The following AGXT2 variants were observed in gnomAD, a reference collection of about 807,000 sequenced individuals.
The protein encoded by AGXT2 is alanine--glyoxylate aminotransferase 2, also known as alanine--glyoxylate aminotransferase 2, mitochondrial.
AGXT2 carries 61 observed loss-of-function variants against 62.5 expected under a neutral mutation model. The observed-to-expected ratio is 0.98, with a 90% confidence interval of 0.79 to 1.21. The LOEUF (loss-of-function observed/expected upper bound fraction) is 1.21. AGXT2 is among the 50% of genes most tolerant of loss of function. The pLI is 0.00. For missense variants in AGXT2, 666 were observed against 641.5 expected, an observed-to-expected ratio of 1.04 and a Z score of -0.41; for synonymous variants, 243 against 218.7, an observed-to-expected ratio of 1.11 and a Z score of -0.98.
intron 9 of AGXT2, among the ~76,000 whole-genome samples, chr5:35,017,127 G>A (rs1031038399): frequency 6.6e-6 from 1 of 152,084 alleles, no homozygotes; most frequent in African/African-American, 2.4e-5. Context: ...CTGCACTCAG[G>A]TTTTTCTGTC....
chr5:35,006,196 A>G (rs533935719), intron 12 of AGXT2, among the ~76,000 whole-genome samples: 1 of 152,190 alleles, frequency 6.6e-6, no homozygotes, highest in Non-Finnish European at 1.5e-5. Flanking sequence ...GTTGTTTCCA[A>G]TTTTTCATGA....
At chr5:35,047,513 C>G (rs1036671769) in intron 1 of AGXT2, among the ~76,000 whole-genome samples, 1 of 152,134 alleles carries the variant, frequency 6.6e-6, no homozygotes, top group African/African-American at 2.4e-5. Flanking sequence ...GATTGCTTTC[C>G]TTTGGTTTTT....
rs1233838798 is a variant in AGXT2, at chr5:35,038,184, C to G, written c.363-1119G>C. ...CATGGGACCCTTTTCCACGGAAACT[C>G]CTGTGATCAGTGTTCCATGAAACTC... On this transcript the variant is annotated intron_variant, in intron 3 of 13. Coordinates refer to ENST00000231420, the MANE Select transcript of AGXT2 (RefSeq NM_031900.4). Among the ~76,000 whole-genome samples, 5 of 152,302 alleles carry G rather than the reference C, an allele frequency of 3.3e-5. No homozygotes were observed. The South Asian group carries it at 8.3e-4, about 25-fold the overall frequency.
intron 12 of AGXT2, among the ~76,000 whole-genome samples, chr5:35,005,874 T>C (rs1245660857): frequency 7.4e-6 from 1 of 135,376 alleles, no homozygotes; most frequent in Non-Finnish European, 1.7e-5. Context: ...ATTTAAAATT[T>C]GAAAAAAATT....
At chr5:35,009,109 G>A (rs1352982267) in intron 12 of AGXT2, among the ~76,000 whole-genome samples, 3 of 152,130 alleles carry the variant, frequency 2.0e-5, no homozygotes, top group East Asian at 1.9e-4. Context: ...GAAACAAACA[G>A]TGATCTTGGG....
intron 5 of AGXT2, among the ~76,000 whole-genome samples, 163 bp from the exon 6 acceptor site, chr5:35,033,716 A>T (rs540732945): frequency 5.2e-5 from 7 of 134,430 alleles, no homozygotes; most frequent in Middle Eastern, 3.8e-3. Context: ...AATGTACTTA[A>T]TAGTCTTTTC....
chr5:35,001,107 T>C (rs576862272), intron 13 of AGXT2, among the ~76,000 whole-genome samples: 1 of 152,332 alleles, frequency 6.6e-6, no homozygotes, highest in South Asian at 2.1e-4. Flanking sequence ...TGGTTAGGTG[T>C]ATTAACTGCA....
At chr5:35,012,728 T>A in intron 11 of AGXT2, 1 of 543,190 alleles carries the variant, frequency 1.8e-6, no homozygotes, top group South Asian at 2.2e-5. Flanking sequence ...CCCATGTATG[T>A]GAGGTTTATT....
At chr5:35,033,067 G>A in intron 6 of AGXT2, 1 of 528,424 alleles carries the variant, frequency 1.9e-6, no homozygotes, top group South Asian at 2.0e-5. Flanking sequence ...TTGCTCAAGG[G>A]TGCAGTGGGT....
chr5:35,035,290 T>TG lies in AGXT2; in HGVS notation c.512dup (p.Glu172ArgfsTer4). ...TCAGCATGGCCAGCTCATTGGCTTCTGAGCCACTGTTCACCAAGAAAATGA... is the reference window on the plus strand; with the variant it reads ...TCAGCATGGCCAGCTCATTGGCTTCTGGAGCCACTGTTCACCAAGAAAATGA... On this transcript the variant is annotated frameshift_variant, in exon 5 of 14. Transcript: ENST00000231420. LOFTEE classifies it high-confidence loss of function. 6.2e-7 allele frequency: 1 copy of TG among 1,614,008 alleles called. No individual in the cohort carries two copies. The highest frequency in any genetic ancestry group is 8.5e-7 in the Non-Finnish European group (1 of 1,179,932).
chr5:35,014,191 C>T (rs144269666), intron 9 of AGXT2, 72 bp from the exon 10 acceptor site: 172 of 1,598,860 alleles, frequency 1.1e-4, no homozygotes, highest in Middle Eastern at 9.2e-4. Flanking sequence ...CGGTGGCTCA[C>T]ACCTGTAATC....
At chr5:34,999,290 A>G (rs951528376) in intron 13 of AGXT2, among the ~76,000 whole-genome samples, 5 of 152,088 alleles carry the variant, frequency 3.3e-5, no homozygotes, top group Admixed American at 6.6e-5. Context: ...GATTCCCACT[A>G]CAGCTTTCCT....
rs757951724 is a variant in AGXT2, at chr5:35,035,241, T to C, written c.562A>G (p.Ile188Val). ...GATTACCTGAAAGAAATGATGTCTATGTTGTTTGAGTGCGCCCTGGCCATC... is the reference window on the plus strand; with the variant it reads ...GATTACCTGAAAGAAATGATGTCTACGTTGTTTGAGTGCGCCCTGGCCATC... ...MLMARAHSNN[I>V]DIISFRGAYH... Residue 188 changes from isoleucine (I) to valine (V), a missense_variant, in exon 5 of 14, where the codon ATA (isoleucine) becomes GTA (valine). Transcript: ENST00000231420. 4 of 1,614,022 alleles carry C rather than the reference T, an allele frequency of 2.5e-6. No individual in the cohort carries two copies. Among genetic ancestry groups the C allele is most frequent in the South Asian group, 2.2e-5 (2 of 91,078 alleles).
At position 35,026,507 on chromosome 5, in the gene AGXT2, C is replaced by A; in HGVS notation, c.773G>T (p.Cys258Phe). The A allele has an allele frequency of 6.2e-7, 1 of 1,612,494 alleles. No individual in the cohort carries two copies. Among genetic ancestry groups the A allele is most frequent in the Non-Finnish European group, 8.5e-7 (1 of 1,179,072 alleles). The change falls in exon 8 of 14, where the codon TGC becomes TTC. Residue 258 changes from cysteine (C) to phenylalanine (F), a missense_variant. Physicochemically the swap from Cys to Phe is radical, Grantham distance 205. Coordinates refer to ENST00000231420, the MANE Select transcript of AGXT2 (RefSeq NM_031900.4). ...AATATACTGATCTTTAGCTTGGCAG[C>A]AGTCTGCAAAAAGCAAACAACAAAA... ...TIRKCSCAPDCCQAKDQYIEQ... is the reference protein window; with the variant it reads ...TIRKCSCAPDFCQAKDQYIEQ...
chr5:35,033,438 A>G (rs1767646645), intron 6 of AGXT2, 22 bp downstream of exon 6: 2 of 1,564,786 alleles, frequency 1.3e-6, no homozygotes, highest in Non-Finnish European at 1.8e-6. Context: ...TAAAGAAACA[A>G]GAGAAAAATC....
intron 13 of AGXT2, among the ~76,000 whole-genome samples, chr5:35,002,690 T>C (rs1031627795): frequency 5.9e-5 from 9 of 152,160 alleles, no homozygotes; most frequent in Non-Finnish European, 5.9e-5. Flanking sequence ...CACCTTGATC[T>C]TGGACTTCTC....
At chr5:35,031,541 G>A (rs1272046569) in intron 7 of AGXT2, among the ~76,000 whole-genome samples, 1 of 152,174 alleles carries the variant, frequency 6.6e-6, no homozygotes, top group Non-Finnish European at 1.5e-5. Context: ...CTAAGGAGCG[G>A]CTATTAAAAA....
intron 1 of AGXT2, among the ~76,000 whole-genome samples, chr5:35,043,999 C>A (rs1041909306): frequency 2.6e-5 from 4 of 152,090 alleles, no homozygotes; most frequent in East Asian, 1.9e-4. Context: ...GCCCAAAATG[C>A]CAATTGTATC....
intron 4 of AGXT2, among the ~76,000 whole-genome samples, chr5:35,036,096 A>G (rs1322291532): frequency 2.6e-5 from 4 of 151,952 alleles, no homozygotes; most frequent in Non-Finnish European, 5.9e-5. Flanking sequence ...AAAAAAAGCA[A>G]GTAAACAAAA....
Sources: allele counts gnomAD v4.1 joint callset (sites outside exome capture counted in the v4.1 genomes callset), GRCh38; gene constraint gnomAD v4.1.1; transcripts MANE v1.5; gene names NCBI Gene and HGNC (gene_info 2026-07-23, HGNC 2026-07-21).